The following BBS12 variants were observed in gnomAD, a reference collection of about 807,000 sequenced individuals.
The protein encoded by BBS12 is Bardet-Biedl syndrome 12.
Under a neutral mutation model 5.6 loss-of-function variants are expected in BBS12, and 5 were observed. The ratio of observed to expected loss-of-function variants is 0.89; its 90% CI spans 0.46 to 1.86. BBS12 has a LOEUF of 1.86. Among genes scored for constraint, BBS12 ranks in the 40% most tolerant of loss-of-function variants. The pLI is 0.01. For missense variants in BBS12, 748 were observed against 830.4 expected (o/e 0.90, Z 1.22); for synonymous variants, 308 against 306.8 (o/e 1.00, Z -0.04).
chr4:122,725,897 C>CAAAAAAA, the BBS12 span, among the ~76,000 whole-genome samples: 6 of 52,492 alleles, frequency 1.1e-4, no homozygotes, highest in African/African-American at 2.0e-4. Context: ...GACTCTGTCT[C>CAAAAAAA]AAAAAAAAAA....
the BBS12 span, among the ~76,000 whole-genome samples, chr4:122,705,053 A>G: frequency 2.6e-5 from 4 of 152,330 alleles, no homozygotes; most frequent in East Asian, 7.7e-4. Context: ...AATTTGCTTC[A>G]TGCCCTCTTG....
the BBS12 span, among the ~76,000 whole-genome samples, chr4:122,716,715 A>G: frequency 0.15 from 11,595 of 76,314 alleles, 2,078 homozygotes; most frequent in African/African-American, 0.27. Context: ...ACATACACAT[A>G]TGTGTGTATA....
the BBS12 span, among the ~76,000 whole-genome samples, chr4:122,706,614 T>C: frequency 6.6e-6 from 1 of 152,162 alleles, no homozygotes; most frequent in Non-Finnish European, 1.5e-5. Context: ...CTTCTGTTCA[T>C]GATTTCTTTG....
At chr4:122,738,794 A>G (rs1057398020) in intron 1 of BBS12, among the ~76,000 whole-genome samples, 3 of 152,234 alleles carry the variant, frequency 2.0e-5, no homozygotes, top group African/African-American at 7.2e-5. Context: ...CAAAAACACA[A>G]TGAAATACCA....
At chr4:122,702,362 T>C in the BBS12 span, among the ~76,000 whole-genome samples, 1 of 152,196 alleles carries the variant, frequency 6.6e-6, no homozygotes, top group Non-Finnish European at 1.5e-5. Context: ...CCCATGTAAC[T>C]GGAATAGGAG....
the BBS12 span, among the ~76,000 whole-genome samples, chr4:122,708,997 T>C: frequency 6.6e-6 from 1 of 152,082 alleles, no homozygotes; most frequent in Non-Finnish European, 1.5e-5. Context: ...AGCATGTGCC[T>C]AAGAAAGCAA....
In BBS12 at chr4:122,744,141, G is replaced by C. The variant is rs1800949274; in HGVS notation, c.*116G>C. ...GCCAGCTATTGCCAAGAAGAAAATAGTTGATGTCTGTCAATAACTGTGCAT... is the reference window on the plus strand; with the variant it reads ...GCCAGCTATTGCCAAGAAGAAAATACTTGATGTCTGTCAATAACTGTGCAT... On this transcript the variant is annotated 3_prime_UTR_variant, in exon 2 of 2. Coordinates refer to ENST00000314218, the MANE Select transcript of BBS12 (RefSeq NM_152618.3). 4 of 1,048,422 alleles carry C rather than the reference G, an allele frequency of 3.8e-6. No homozygotes were observed. Among genetic ancestry groups the C allele is most frequent in the Admixed American group, 4.0e-5 (2 of 50,320 alleles). The allele number at this position is 1,048,422 out of a possible 1,614,324, so 64.9% of individuals were successfully genotyped here.
rs1310660186 is a variant in BBS12 at position 122,742,564 on chromosome 4, C to A, written c.672C>A (p.Thr224=). 1 of 1,614,230 alleles carries A rather than the reference C, an allele frequency of 6.2e-7. No homozygotes were observed. The highest frequency in any genetic ancestry group is 1.7e-5 in the Admixed American group (1 of 60,024). Residue 224 remains threonine, a synonymous_variant, in exon 2 of 2, where the codon ACC becomes ACA. Transcript: ENST00000314218. ...RTLKNSLLAD[T]CCRQSILIHS... Reference sequence around the variant, plus strand: ...TGAAAAACAGCCTGCTTGCAGATACCTGCTGCAGACAGTCAATACTAATCC... The same window carrying A: ...TGAAAAACAGCCTGCTTGCAGATACATGCTGCAGACAGTCAATACTAATCC...
At chr4:122,719,677 A>G in the BBS12 span, among the ~76,000 whole-genome samples, 1 of 152,206 alleles carries the variant, frequency 6.6e-6, no homozygotes, top group Non-Finnish European at 1.5e-5. Context: ...CCGACACAAG[A>G]CTATGGAAAA....
chr4:122,721,525 T>G, the BBS12 span, among the ~76,000 whole-genome samples: 4 of 152,242 alleles, frequency 2.6e-5, no homozygotes, highest in African/African-American at 9.6e-5. Flanking sequence ...ATTTTATTCA[T>G]GAATCTACAA....
At chr4:122,703,388 C>G in the BBS12 span, among the ~76,000 whole-genome samples, 1 of 152,146 alleles carries the variant, frequency 6.6e-6, no homozygotes, top group Non-Finnish European at 1.5e-5. Context: ...CTTCTTAAGA[C>G]TTTCCAAGCC....
chr4:122,722,947 A>C, the BBS12 span, among the ~76,000 whole-genome samples: 1 of 152,128 alleles, frequency 6.6e-6, no homozygotes, highest in Non-Finnish European at 1.5e-5. Context: ...TTACAGTTTA[A>C]CTGATGTTTA....
upstream of BBS12, chr4:122,730,719 T>C (rs1196085059): frequency 6.6e-6 from 1 of 152,112 alleles, no homozygotes; most frequent in Non-Finnish European, 1.5e-5. Context: ...AAATTTTATT[T>C]TAAATGCATA....
chr4:122,716,607 ATG>A, the BBS12 span, among the ~76,000 whole-genome samples: 5 of 58,808 alleles, frequency 8.5e-5, no homozygotes, highest in Non-Finnish European at 1.4e-4. Flanking sequence ...GTATACACAC[ATG>A]TGTGTATATG....
At chr4:122,709,856 ACGTTGG>A in the BBS12 span, among the ~76,000 whole-genome samples, 1 of 151,950 alleles carries the variant, frequency 6.6e-6, no homozygotes, top group South Asian at 2.1e-4. Flanking sequence ...GGATTTCACC[ACGTTGG>A]CCAGGCTGGT....
chr4:122,715,220 G>T, the BBS12 span, among the ~76,000 whole-genome samples: 2 of 150,504 alleles, frequency 1.3e-5, no homozygotes. Flanking sequence ...GCTCAAATTA[G>T]ATTGCTGTCT....
At chr4:122,705,940 G>A in the BBS12 span, among the ~76,000 whole-genome samples, 24 of 152,210 alleles carry the variant, frequency 1.6e-4, no homozygotes, top group Non-Finnish European at 3.2e-4. Context: ...TCAGTAGTCA[G>A]TTGGGAGACG....
chr4:122,716,603 AC>A, the BBS12 span, among the ~76,000 whole-genome samples: 269 of 110,706 alleles, frequency 2.4e-3, 2 homozygotes, highest in African/African-American at 0.012. Flanking sequence ...GTATGTATAC[AC>A]ACATGTGTGT....
At position 122,742,107 on chromosome 4, in the gene BBS12, A is replaced by C; in HGVS notation, c.215A>C (p.Glu72Ala). ...LTSAVGQLLN[E>A]AVQAQNNTYR... is the part of the protein sequence containing the mutation. ...AGTGCAGTGGGACAACTTCTCAATG[A>C]AGCAGTTCAAGCACAAAACAACACA... Residue 72 changes from glutamate (E) to alanine (A), a missense_variant, in exon 2 of 2, where the codon GAA (glutamate) becomes GCA (alanine). Glu to Ala is a moderately radical substitution (Grantham distance 107). Transcript: ENST00000314218. The C allele has an allele frequency of 6.2e-7, 1 of 1,614,178 alleles. No homozygotes were observed. The highest frequency in any genetic ancestry group is 1.1e-5 in the South Asian group (1 of 91,082).
Sources: allele counts gnomAD v4.1 joint callset (sites outside exome capture counted in the v4.1 genomes callset), GRCh38; gene constraint gnomAD v4.1.1; transcripts MANE v1.5; gene names NCBI Gene and HGNC (gene_info 2026-07-23, HGNC 2026-07-21).